The following ERH variants were observed in gnomAD, a reference collection of about 807,000 sequenced individuals.
The protein encoded by ERH is enhancer of rudimentary homolog.
In ERH, 1 loss-of-function variant was observed where a neutral mutation model predicts 16.8. That is an observed-to-expected ratio of 0.06 (90% CI 0.02 to 0.28). The LOEUF (loss-of-function observed/expected upper bound fraction) is 0.28. ERH is among the 10% of genes least tolerant of loss of function. ERH has a pLI of 1.00. For missense variants in ERH, 42 were observed against 127.5 expected, an observed-to-expected ratio of 0.33 and a Z score of 3.23; for synonymous variants, 43 against 43.6, an observed-to-expected ratio of 0.99 and a Z score of 0.05.
chr14:69,380,731 A>G (rs1265034098), intron 3 of ERH, 91 bp from the exon 4 acceptor site: 2 of 678,286 alleles, frequency 2.9e-6, no homozygotes, highest in Non-Finnish European at 5.3e-6. Flanking sequence ...ATGATGGCAT[A>G]GATGTGCACA....
intron 1 of ERH, among the ~76,000 whole-genome samples, chr14:69,395,304 A>T (rs1387241537): frequency 6.6e-6 from 1 of 152,190 alleles, no homozygotes; most frequent in East Asian, 1.9e-4. Flanking sequence ...TAAAAGAAAA[A>T]AAAAAGTCAT....
At position 69,386,709 on chromosome 14, in the gene ERH, GGC is replaced by G. The variant is rs565718937; in HGVS notation, c.212+252_212+253del. 1.7e-3 allele frequency: 543 copies of G among 314,492 alleles called. 3 individuals are homozygous for G. Among genetic ancestry groups the G allele is most frequent in the African/African-American group, 0.011 (516 of 46,852 alleles). 19.5% of individuals were successfully genotyped at this position (314,492 alleles called of 1,614,324 possible). ...AATTAGGTATAAGGAACAAAGAAGAGGCACATGGAACTTCTGAATTAGGATCC... is the reference window on the plus strand; with the variant it reads ...AATTAGGTATAAGGAACAAAGAAGAGACATGGAACTTCTGAATTAGGATCC... On this transcript the variant is annotated intron_variant, in intron 3 of 3. Transcript: ENST00000557016.
intron 1 of ERH, among the ~76,000 whole-genome samples, chr14:69,396,278 T>C (rs1882331333): frequency 6.6e-6 from 1 of 152,268 alleles, no homozygotes; most frequent in South Asian, 2.1e-4. Flanking sequence ...TAATTTTTTT[T>C]TGGAGACAGT....
chr14:69,390,051 G>A (rs186277760), intron 2 of ERH, among the ~76,000 whole-genome samples: 18 of 151,964 alleles, frequency 1.2e-4, no homozygotes, highest in African/African-American at 3.9e-4. Flanking sequence ...GAGCCACCAC[G>A]CCATGCAGAA....
At chr14:69,388,302 T>C (rs2045904731) in intron 2 of ERH, among the ~76,000 whole-genome samples, 1 of 152,174 alleles carries the variant, frequency 6.6e-6, no homozygotes, top group Non-Finnish European at 1.5e-5. Flanking sequence ...AAGCCCACAT[T>C]ACTAATTATA....
In ERH at chr14:69,398,213, C is replaced by T; in HGVS notation, c.3+18G>A. On this transcript the variant is annotated intron_variant, in intron 1 of 3. Transcript: ENST00000557016. ...GGCCGGGGACTCGGACTCGGGTAGC[C>T]GCGGAGGCCTTTCTCACCATCGCGC... 6.2e-7 allele frequency: 1 copy of T among 1,613,996 alleles called. No individual in the cohort carries two copies. Among genetic ancestry groups the T allele is most frequent in the Non-Finnish European group, 8.5e-7 (1 of 1,179,988 alleles).
At chr14:69,388,020 G>A (rs1303510041) in intron 2 of ERH, among the ~76,000 whole-genome samples, 6 of 152,232 alleles carry the variant, frequency 3.9e-5, no homozygotes, top group East Asian at 1.9e-4. Context: ...ACTCCAGCCC[G>A]GGTGACAGAG....
At chr14:69,394,425 T>C (rs1164563146) in intron 2 of ERH, among the ~76,000 whole-genome samples, 1 of 152,128 alleles carries the variant, frequency 6.6e-6, no homozygotes, top group Non-Finnish European at 1.5e-5. Context: ...TGAAACCCCA[T>C]CTCTACTAAA....
chr14:69,384,834 T>C (rs554963920), intron 3 of ERH, among the ~76,000 whole-genome samples: 60 of 152,374 alleles, frequency 3.9e-4, no homozygotes, highest in Non-Finnish European at 5.9e-4. Context: ...ATACACATTA[T>C]TGGTAATTTC....
chr14:69,392,563 G>C (rs907677985), intron 2 of ERH, among the ~76,000 whole-genome samples: 3 of 152,146 alleles, frequency 2.0e-5, no homozygotes, highest in African/African-American at 7.2e-5. Context: ...AAATGTTTAG[G>C]GCAGGGCAGT....
At chr14:69,382,175 T>C (rs929647369) in intron 3 of ERH, among the ~76,000 whole-genome samples, 7 of 152,370 alleles carry the variant, frequency 4.6e-5, no homozygotes, top group African/African-American at 1.2e-4. Flanking sequence ...GAATGCTTTA[T>C]ACAATTAACA....
intron 2 of ERH, among the ~76,000 whole-genome samples, chr14:69,391,772 T>C (rs568414472): frequency 3.4e-5 from 5 of 148,736 alleles, no homozygotes; most frequent in Admixed American, 6.8e-5. Context: ...ACTACAGATA[T>C]GGTAAAAAGA....
Position 69,392,060 on chromosome 14 carries a change from G to A in ERH, c.91+2765C>T, listed in dbSNP as rs142399439. ...AACTAAGAAGGGGAGGAAAGAAGGC[G>A]TATGCTGGAGCTCTGTACTTTCCAA... is the stretch of plus-strand genomic sequence containing the variant. On this transcript the variant is annotated intron_variant, in intron 2 of 3. Coordinates refer to ENST00000557016, the MANE Select transcript of ERH (RefSeq NM_004450.3). 2.1e-4 allele frequency among the ~76,000 whole-genome samples: 32 copies of A among 152,106 alleles called. 1 individual carries two copies. In the East Asian group the frequency reaches 6.0e-3, roughly 28 times the overall value.
chr14:69,387,186 T>C (rs1228762129), intron 2 of ERH, 103 bp from the exon 3 acceptor site: 2 of 901,342 alleles, frequency 2.2e-6, no homozygotes, highest in African/African-American at 1.7e-5. Context: ...ATATTTACTT[T>C]AATAAAGTTG....
At position 69,394,892 on chromosome 14, in the gene ERH, T is replaced by C; in HGVS notation, c.24A>G (p.Val8=). MSHTILL[V]QPTKRPEGRT... ...TGCCTTCTGGCCTCTTGGTAGGCTG[T>C]ACCAGCAAAATGGTGTGAGACTGCA... Residue 8 remains valine, a synonymous_variant, in exon 2 of 4, where the codon GTA becomes GTG. Transcript: ENST00000557016. The C allele has an allele frequency of 6.2e-7, 1 of 1,613,444 alleles. No homozygotes were observed. The highest frequency in any genetic ancestry group is 8.5e-7 in the Non-Finnish European group (1 of 1,179,396).
chr14:69,386,414 C>T lies in ERH; in HGVS notation c.212+549G>A, dbSNP rs146736254. ...TGTATTTACACTCAATTTCTGTTCGCTAATGTAAAAAAGATTAGGTAAGTC... is the reference window on the plus strand; with the variant it reads ...TGTATTTACACTCAATTTCTGTTCGTTAATGTAAAAAAGATTAGGTAAGTC... On this transcript the variant is annotated intron_variant, in intron 3 of 3. Coordinates refer to ENST00000557016, the MANE Select transcript of ERH (RefSeq NM_004450.3). Among the ~76,000 whole-genome samples, 1,011 of 152,228 alleles carry T rather than the reference C, an allele frequency of 6.6e-3. 8 individuals are homozygous for T. Among genetic ancestry groups the T allele is most frequent in the Non-Finnish European group, 0.01 (690 of 68,022 alleles).
At chr14:69,383,472 G>T (rs1047415942) in intron 3 of ERH, among the ~76,000 whole-genome samples, 23 of 152,294 alleles carry the variant, frequency 1.5e-4, no homozygotes, top group African/African-American at 5.5e-4. Context: ...GTGGCAGTGG[G>T]TTACCTCTTT....
intron 1 of ERH, among the ~76,000 whole-genome samples, chr14:69,397,412 G>A (rs923753887): frequency 6.6e-6 from 1 of 151,106 alleles, no homozygotes; most frequent in South Asian, 2.1e-4. Flanking sequence ...CGAGGGCTGA[G>A]GGACGCGCCA....
chr14:69,380,792 T>C (rs183981675), intron 3 of ERH, 152 bp from the exon 4 acceptor site: 53 of 577,970 alleles, frequency 9.2e-5, no homozygotes, highest in African/African-American at 7.7e-4. Context: ...TACACAGTCG[T>C]TGAATTTTAA....
Sources: gnomAD v4.1 joint callset for allele counts (sites outside exome capture counted in the v4.1 genomes callset) on GRCh38, gnomAD v4.1.1 for gene constraint, MANE v1.5 for transcripts, NCBI Gene and HGNC (gene_info 2026-07-23, HGNC 2026-07-21) for gene names.